Variants in HYDIN observed in about 807,000 individuals in gnomAD.
The protein encoded by HYDIN is axonemal central pair apparatus protein HYDIN.
In HYDIN, 132 loss-of-function variants were observed where a neutral mutation model predicts 403.9. The ratio of observed to expected loss-of-function variants is 0.33; its 90% CI spans 0.28 to 0.38. The LOEUF (loss-of-function observed/expected upper bound fraction) is 0.38, where lower values mean the gene tolerates loss of function less well. Ranked by LOEUF, HYDIN falls within the 10% of genes least tolerant of loss-of-function variation. The pLI, the probability that HYDIN is intolerant of heterozygous loss-of-function variation, is 1.00. For synonymous variants in HYDIN, 1,202 were observed against 1,891.7 expected, an observed-to-expected ratio of 0.64 and a Z score of 9.46; for missense variants, 2,827 against 5,009.5, an observed-to-expected ratio of 0.56 and a Z score of 13.15.
In HYDIN at chr16:70,857,843, G is replaced by T; in HGVS notation, c.12157C>A (p.Leu4053Met). The change falls in exon 72 of 86, where the codon CTG (leucine) becomes ATG (methionine). Residue 4053 changes from leucine (L) to methionine (M), a missense_variant. By Grantham distance (15) the Leu-to-Met change is conservative. Transcript: ENST00000393567. ...GTCCATGATGACTCAGTGATGCCCA[G>T]ATGGAAAGGTGTGAACTGGAACACG... is the stretch of plus-strand genomic sequence containing the variant. ...EIVFQFTPFH[L>M]GITESSWTFL... 6.2e-7 allele frequency: 1 copy of T among 1,613,156 alleles called. No homozygotes were observed. The highest frequency in any genetic ancestry group is 8.5e-7 in the Non-Finnish European group (1 of 1,179,750).
Position 70,868,598 on chromosome 16 carries a change from A to T in HYDIN, c.11282T>A (p.Met3761Lys). The T allele has an allele frequency of 1.9e-6, 3 of 1,613,160 alleles. No homozygotes were observed. Among genetic ancestry groups the T allele is most frequent in the Non-Finnish European group, 2.5e-6 (3 of 1,179,904 alleles). Residue 3761 changes from methionine to lysine, a missense_variant, in exon 66 of 86, where the codon ATG (methionine) becomes AAG (lysine). Coordinates refer to ENST00000393567, the MANE Select transcript of HYDIN (RefSeq NM_001270974.2). ...TCGTTTTGTAGTGAAAGTCCCAGGC[A>T]TGTTTCTGGGTACGTCCACCCACTT... ...TVKWVDVPRNMPGTFTTKRKV... is the reference protein window; with the variant it reads ...TVKWVDVPRNKPGTFTTKRKV...
chr16:71,038,101 C>T (rs1379615636), intron 18 of HYDIN, among the ~76,000 whole-genome samples: 1 of 152,258 alleles, frequency 6.6e-6, no homozygotes, highest in South Asian at 2.1e-4. Context: ...TTGAGCAGCT[C>T]GTAAACAACA....
rs1251258667 is a variant in HYDIN at position 70,806,940 on chromosome 16, G to C, written c.*640C>G. On this transcript the variant is annotated 3_prime_UTR_variant, in exon 86 of 86. Transcript: ENST00000393567. ...CCAAGGCGGGGTGTGTATGTGTGGT[G>C]GGGGGAGCTGGGATCTCTATTAGCC... is the stretch of plus-strand genomic sequence containing the variant. Among the ~76,000 whole-genome samples the C allele has an allele frequency of 6.6e-6, 1 of 152,038 alleles. No individual in the cohort carries two copies. Among genetic ancestry groups the C allele is most frequent in the Non-Finnish European group, 1.5e-5 (1 of 68,002 alleles).
At chr16:70,922,866 C>A (rs113809321) in intron 45 of HYDIN, among the ~76,000 whole-genome samples, 1 of 138,954 alleles carries the variant, frequency 7.2e-6, no homozygotes, top group Non-Finnish European at 1.5e-5. Flanking sequence ...TTTCTGGGCT[C>A]GGTAATTCTC....
intron 1 of HYDIN, among the ~76,000 whole-genome samples, chr16:71,190,445 C>T (rs1176061929): frequency 6.6e-6 from 1 of 151,682 alleles, no homozygotes; most frequent in Non-Finnish European, 1.5e-5. Flanking sequence ...GCTAAAGCAC[C>T]AAACTAATTA....
chr16:71,151,368 A>C (rs1483429470), intron 7 of HYDIN, among the ~76,000 whole-genome samples: 4 of 151,920 alleles, frequency 2.6e-5, no homozygotes, highest in African/African-American at 4.9e-5. Flanking sequence ...TCCTCCTCAA[A>C]TACACGTCCA....
chr16:71,203,543 T>C (rs1234035673), intron 1 of HYDIN, among the ~76,000 whole-genome samples: 1 of 152,218 alleles, frequency 6.6e-6, no homozygotes, highest in Non-Finnish European at 1.5e-5. Flanking sequence ...TTTGTACCTA[T>C]ATATAATATA....
At chr16:70,902,029 A>G (rs1430026155) in intron 52 of HYDIN, among the ~76,000 whole-genome samples, 4 of 151,464 alleles carry the variant, frequency 2.6e-5, no homozygotes, top group Non-Finnish European at 5.9e-5. Context: ...ATATAAGCAG[A>G]CCCACCCAGT....
intron 65 of HYDIN, among the ~76,000 whole-genome samples, chr16:70,870,986 G>A (rs1024485954): frequency 4.6e-5 from 7 of 152,300 alleles, no homozygotes; most frequent in Middle Eastern, 3.4e-3. Context: ...AGCCAAGATT[G>A]TAACACTGCA....
Position 70,829,844 on chromosome 16 carries a change from G to A in HYDIN, c.13900-14C>T, listed in dbSNP as rs1417414778. On this transcript the variant is annotated splice_polypyrimidine_tract_variant and intron_variant, in intron 80 of 85. Coordinates refer to ENST00000393567, the MANE Select transcript of HYDIN (RefSeq NM_001270974.2). The stretch of plus-strand genomic sequence containing the variant: ...GAAATTCACTACCTGGAAGAAAGCA[G>A]GCACCTCATCTTCCATGGCACTTCC... 1.9e-6 allele frequency: 3 copies of A among 1,612,152 alleles called. No homozygotes were observed. The East Asian group carries it at 6.7e-5, about 36-fold the overall frequency.
At chr16:71,028,137 C>A (rs2080778972) in intron 19 of HYDIN, among the ~76,000 whole-genome samples, 2 of 151,392 alleles carry the variant, frequency 1.3e-5, no homozygotes, top group African/African-American at 4.8e-5. Flanking sequence ...GCAGGACACA[C>A]ACAGTTCATG....
Position 71,129,776 on chromosome 16 carries a change from A to G in HYDIN, c.1091T>C (p.Phe364Ser), listed in dbSNP as rs745382344. 40 of 1,613,324 alleles carry G rather than the reference A, an allele frequency of 2.5e-5. No homozygotes were observed. The East Asian group carries it at 8.7e-4, about 35-fold the overall frequency. ...IKEEKDETDEFFEECITDPLL... is the reference protein window; with the variant it reads ...IKEEKDETDESFEECITDPLL... ...AGGATCAGTAATGCACTCTTCAAAA[A>G]ACTCATCAGTCTCATCCTTCTCCTC... Residue 364 changes from phenylalanine to serine, a missense_variant, in exon 9 of 86, where the codon TTT becomes TCT. Physicochemically the swap from Phe to Ser is radical, Grantham distance 155 (BLOSUM62 -2). Coordinates refer to ENST00000393567, the MANE Select transcript of HYDIN (RefSeq NM_001270974.2).
At chr16:71,141,662 G>A (rs1008127072) in intron 7 of HYDIN, among the ~76,000 whole-genome samples, 11 of 152,182 alleles carry the variant, frequency 7.2e-5, no homozygotes, top group South Asian at 2.1e-4. Flanking sequence ...TTATAATATC[G>A]TTTCAGCAAT....
chr16:70,938,337 G>A (rs1377215136), intron 44 of HYDIN, among the ~76,000 whole-genome samples: 1 of 152,236 alleles, frequency 6.6e-6, no homozygotes, highest in East Asian at 1.9e-4. Context: ...AGAGGCCAGT[G>A]GCCCCTCTTC....
intron 5 of HYDIN, among the ~76,000 whole-genome samples, chr16:71,168,084 G>A (rs1228814966): frequency 2.6e-5 from 4 of 152,126 alleles, no homozygotes; most frequent in Admixed American, 2.6e-4. Flanking sequence ...TTGGGAGGCT[G>A]AGGTGGGTGG....
chr16:71,217,575 A>T (rs2088953815), intron 1 of HYDIN, among the ~76,000 whole-genome samples: 1 of 152,198 alleles, frequency 6.6e-6, no homozygotes, highest in African/African-American at 2.4e-5. Context: ...TTTGCTGCAA[A>T]TACAGTTCCT....
intron 53 of HYDIN, among the ~76,000 whole-genome samples, chr16:70,897,839 C>G (rs1437896729): frequency 6.6e-6 from 1 of 152,032 alleles, no homozygotes; most frequent in Non-Finnish European, 1.5e-5. Flanking sequence ...TGCTGTTTGG[C>G]TGGGACACAT....
chr16:71,001,895 T>G (rs984186059), intron 23 of HYDIN, among the ~76,000 whole-genome samples: 1 of 152,236 alleles, frequency 6.6e-6, no homozygotes, highest in Non-Finnish European at 1.5e-5. Context: ...TTTTGTCCAA[T>G]CTGGTGGGTA....
intron 18 of HYDIN, among the ~76,000 whole-genome samples, chr16:71,039,158 T>C (rs1464068095): frequency 2.0e-5 from 3 of 151,862 alleles, no homozygotes; most frequent in Non-Finnish European, 4.4e-5. Flanking sequence ...CTGCCATTCA[T>C]AGCCAAGTGA....
Sources: gnomAD v4.1 joint callset for allele counts (sites outside exome capture counted in the v4.1 genomes callset) on GRCh38, gnomAD v4.1.1 for gene constraint, MANE v1.5 for transcripts, NCBI Gene and HGNC (gene_info 2026-07-23, HGNC 2026-07-21) for gene names.